Variants in SHOC1 observed in about 807,000 individuals in gnomAD.
SHOC1 encodes the protein shortage in chiasmata 1.
Under a neutral mutation model 179.2 loss-of-function variants are expected in SHOC1, and 136 were observed. The ratio of observed to expected loss-of-function variants is 0.76; its 90% confidence interval spans 0.66 to 0.87. The LOEUF (loss-of-function observed/expected upper bound fraction) is 0.87. SHOC1 is among the 40% of genes least tolerant of loss of function. The probability of loss-of-function intolerance (pLI) is 0.00; values close to 1 mark genes in which losing one functional copy is unlikely to be tolerated. For missense variants in SHOC1, 1,538 were observed against 1,700.8 expected, an observed-to-expected ratio of 0.90 and a Z score of 1.68; for synonymous variants, 489 against 586.6, an observed-to-expected ratio of 0.83 and a Z score of 2.41.
In SHOC1 at chr9:111,769,986, GTTTT is replaced by G. The variant is rs769266659; in HGVS notation, c.442+5801_442+5804del. On this transcript the variant is annotated intron_variant, in intron 5 of 27. Transcript: ENST00000682961. ...AGGTTTTATCTTCTGTTTTTTTTTTGTTTTTTTTTTTTTTTTTTTTTTAGTCTTA... is the reference window on the plus strand; with the variant it reads ...AGGTTTTATCTTCTGTTTTTTTTTTGTTTTTTTTTTTTTTTTTTAGTCTTA... Among the ~76,000 whole-genome samples, 46 of 77,632 alleles carry G rather than the reference GTTTT, an allele frequency of 5.9e-4. 2 individuals are homozygous for G. The highest frequency in any genetic ancestry group is 7.4e-3 in the Middle Eastern group (1 of 136). 50.9% of individuals were successfully genotyped at this position (77,632 alleles called of 152,430 possible).
intron 5 of SHOC1, among the ~76,000 whole-genome samples, chr9:111,763,084 C>A (rs1489665957): frequency 1.3e-5 from 2 of 151,494 alleles, no homozygotes; most frequent in Admixed American, 1.3e-4. Flanking sequence ...AAATAGAGTA[C>A]TTATGGATAA....
At chr9:111,723,468 A>C (rs139308259) in intron 14 of SHOC1, among the ~76,000 whole-genome samples, 1 of 152,350 alleles carries the variant, frequency 6.6e-6, no homozygotes, top group East Asian at 1.9e-4. Context: ...GAGAACAGAG[A>C]GAGCATGATT....
chr9:111,739,319 C>CAATAAACTACACATATTTAGAGTG (rs1328295649), intron 11 of SHOC1, among the ~76,000 whole-genome samples: 5 of 151,990 alleles, frequency 3.3e-5, no homozygotes, highest in Non-Finnish European at 7.4e-5. Context: ...AACTGACATG[C>CAATAAACTACACATATTTAGAGTG]AATAAACTAC....
In SHOC1 at chr9:111,727,910, GA is replaced by G; in HGVS notation, c.1556del (p.Phe519SerfsTer19). On this transcript the variant is annotated frameshift_variant, in exon 13 of 28. Coordinates refer to ENST00000682961, the MANE Select transcript of SHOC1 (RefSeq NM_001378211.1). LOFTEE classifies it high-confidence loss of function. ...VPDLCFSDDY[F>X]SDKGAAKEEK... ...CTTCTTTTGCTGCTCCTTTATCAGA[GA>G]AATAGTCATCAGAAAAACATAGATC... 6.2e-7 allele frequency: 1 copy of G among 1,613,460 alleles called. No individual in the cohort carries two copies. Among genetic ancestry groups the G allele is most frequent in the Non-Finnish European group, 8.5e-7 (1 of 1,179,744 alleles).
At chr9:111,693,982 G>C (rs374408635) in intron 25 of SHOC1, 34 bp from the exon 26 acceptor site, 38 of 1,556,138 alleles carry the variant, frequency 2.4e-5, no homozygotes, top group Non-Finnish European at 2.6e-5. Context: ...TCAGTCAGTA[G>C]TCTTTTGAAA....
chr9:111,727,977 G>T lies in SHOC1; in HGVS notation c.1490C>A (p.Ser497Ter). 3 of 1,610,710 alleles carry T rather than the reference G, an allele frequency of 1.9e-6. No homozygotes were observed. Among genetic ancestry groups the T allele is most frequent in the South Asian group, 2.2e-5 (2 of 90,154 alleles). The change falls in exon 13 of 28, where the codon TCA becomes TAA. Residue 497 changes from serine (S) to a stop codon, truncating the protein, a stop_gained. Transcript: ENST00000682961. LOFTEE classifies it high-confidence loss of function. ...CAGAGATGGACTCTTTTGTGGAAGT[G>T]ATAAATGAGCATTTGTAGATTTTTC... ...IDEKSTNAHL[S>*]LPQKSPSLAK...
chr9:111,784,201 T>C (rs543819530), intron 3 of SHOC1, among the ~76,000 whole-genome samples: 1 of 152,322 alleles, frequency 6.6e-6, no homozygotes, highest in Admixed American at 6.5e-5. Context: ...TAATGATCCA[T>C]TTAGATGCCT....
At chr9:111,741,304 T>C (rs1245431422) in intron 11 of SHOC1, among the ~76,000 whole-genome samples, 172 bp downstream of exon 11, 3 of 152,192 alleles carry the variant, frequency 2.0e-5, no homozygotes, top group Non-Finnish European at 4.4e-5. Flanking sequence ...TGTCATATAC[T>C]TCTGCACCTA....
At chr9:111,696,726 G>A (rs1831711534) in intron 24 of SHOC1, among the ~76,000 whole-genome samples, 3 of 152,104 alleles carry the variant, frequency 2.0e-5, no homozygotes, top group Admixed American at 2.0e-4. Context: ...TATGCCCCAT[G>A]CATAGAGGAA....
chr9:111,761,069 A>G (rs1267101149), intron 5 of SHOC1, among the ~76,000 whole-genome samples: 1 of 152,178 alleles, frequency 6.6e-6, no homozygotes, highest in Non-Finnish European at 1.5e-5. Flanking sequence ...TTAAGGATTT[A>G]ATATATAATG....
rs774527492 is a variant in SHOC1 at position 111,692,360 on chromosome 9, T to C, written c.3617A>G (p.His1206Arg). 4 of 1,612,628 alleles carry C rather than the reference T, an allele frequency of 2.5e-6. No individual in the cohort carries two copies. The Admixed American group carries it at 6.7e-5, about 27-fold the overall frequency. The change falls in exon 27 of 28, where the codon CAT (histidine) becomes CGT (arginine). Residue 1206 changes from histidine (H) to arginine (R), a missense_variant. His to Arg is a conservative substitution (Grantham distance 29). Coordinates refer to ENST00000682961, the MANE Select transcript of SHOC1 (RefSeq NM_001378211.1). ...TCCTAAATACTGATAATATTCATTA[T>C]GTTCTTGAATGACAGAGTCTAAATC... Reference protein sequence around the residue: ...ASDLDSVIQEHNEYYQYLGLG... With the variant: ...ASDLDSVIQERNEYYQYLGLG...
At chr9:111,698,655 AGC>A (rs34484258) in intron 24 of SHOC1, among the ~76,000 whole-genome samples, 8,649 of 152,054 alleles carry the variant, frequency 0.057, 620 homozygotes, top group African/African-American at 0.17. Context: ...TAAAGGAGGT[AGC>A]GCGTTTGAAC....
At position 111,694,326 on chromosome 9, in the gene SHOC1, T is replaced by C; in HGVS notation, c.3220A>G (p.Ile1074Val). 1 of 1,611,386 alleles carries C rather than the reference T, an allele frequency of 6.2e-7. No homozygotes were observed. The highest frequency in any genetic ancestry group is 8.5e-7 in the Non-Finnish European group (1 of 1,178,008). The change falls in exon 25 of 28, where the codon ATA becomes GTA. Residue 1074 changes from isoleucine (I) to valine (V), a missense_variant. Physicochemically the swap from Ile to Val is conservative, Grantham distance 29. Transcript: ENST00000682961. Reference protein sequence around the residue: ...IAPGVEATALIIRQIADHSLM... With the variant: ...IAPGVEATALVIRQIADHSLM... ...CTGTGGTCAGCAATTTGTCGAATTATCAAGGCAGTTGCTTCTACTCCTGGG... is the reference window on the plus strand; with the variant it reads ...CTGTGGTCAGCAATTTGTCGAATTACCAAGGCAGTTGCTTCTACTCCTGGG...
chr9:111,711,784 G>T (rs1017111221), intron 18 of SHOC1, among the ~76,000 whole-genome samples: 2 of 152,126 alleles, frequency 1.3e-5, no homozygotes, highest in African/African-American at 4.8e-5. Context: ...AAGAGCCCAG[G>T]TAAATTTAGA....
chr9:111,723,977 AATTT>A (rs976034506), intron 13 of SHOC1, 66 bp from the exon 14 acceptor site: 1 of 1,219,124 alleles, frequency 8.2e-7, no homozygotes, highest in African/African-American at 1.5e-5. Flanking sequence ...GTTTTACCTT[AATTT>A]TTTTTCTAAA....
intron 5 of SHOC1, among the ~76,000 whole-genome samples, chr9:111,763,588 T>C (rs1835230029): frequency 6.6e-6 from 1 of 152,082 alleles, no homozygotes; most frequent in East Asian, 1.9e-4. Flanking sequence ...AATGTGAGGA[T>C]AGAATTAAGA....
intron 3 of SHOC1, 86 bp from the exon 4 acceptor site, chr9:111,781,103 T>C (rs1836022661): frequency 1.1e-6 from 1 of 870,288 alleles, no homozygotes; most frequent in Non-Finnish European, 1.8e-6. Context: ...TTTTACATTA[T>C]GATTTTATCT....
At chr9:111,733,848 ACT>A (rs1485044661) in intron 12 of SHOC1, among the ~76,000 whole-genome samples, 5 of 149,092 alleles carry the variant, frequency 3.4e-5, no homozygotes, top group African/African-American at 4.9e-5. Flanking sequence ...ACAGAGCAAG[ACT>A]CTGTCTCAAA....
chr9:111,715,428 C>G (rs1832738271), intron 16 of SHOC1, among the ~76,000 whole-genome samples: 3 of 152,194 alleles, frequency 2.0e-5, no homozygotes, highest in Admixed American at 2.0e-4. Context: ...AATTGCTAGA[C>G]TGATGGGCAA....
Sources: gnomAD v4.1 joint callset for allele counts (sites outside exome capture counted in the v4.1 genomes callset) on GRCh38, gnomAD v4.1.1 for gene constraint, MANE v1.5 for transcripts, NCBI Gene and HGNC (gene_info 2026-07-23, HGNC 2026-07-21) for gene names.